Variants in MYZAP observed in about 807,000 individuals in gnomAD.
MYZAP encodes myocardial zonula adherens protein.
MYZAP carries 66 observed loss-of-function variants against 69.4 expected under a neutral mutation model. The observed-to-expected ratio is 0.95, with a 90% confidence interval of 0.78 to 1.17. MYZAP has a LOEUF of 1.17. Ranked by LOEUF, MYZAP falls within the 50% of genes most tolerant of loss-of-function variation. The probability of loss-of-function intolerance (pLI) is 0.00; values close to 1 mark genes in which losing one functional copy is unlikely to be tolerated. For missense variants in MYZAP, 611 were observed against 556.2 expected, an observed-to-expected ratio of 1.10 and a Z score of -0.99; for synonymous variants, 256 against 205.9, an observed-to-expected ratio of 1.24 and a Z score of -2.09.
At chr15:57,604,687 A>G (rs990583916) in intron 2 of MYZAP, among the ~76,000 whole-genome samples, 19 of 152,286 alleles carry the variant, frequency 1.2e-4, no homozygotes, top group African/African-American at 4.3e-4. Context: ...AGTTGCTTCA[A>G]AGGGCCTATT....
At chr15:57,641,127 G>A (rs1353015570) in intron 10 of MYZAP, among the ~76,000 whole-genome samples, 1 of 152,112 alleles carries the variant, frequency 6.6e-6, no homozygotes, top group Admixed American at 6.5e-5. Flanking sequence ...TCACCACAGG[G>A]GGGTGTCTGT....
intron 10 of MYZAP, among the ~76,000 whole-genome samples, chr15:57,642,089 G>C (rs1215508723): frequency 1.3e-5 from 2 of 152,198 alleles, no homozygotes; most frequent in African/African-American, 4.8e-5. Flanking sequence ...TCTAATACTG[G>C]CTGCACTGGT....
chr15:57,649,493 A>G (rs1455078202), intron 10 of MYZAP, among the ~76,000 whole-genome samples: 5 of 152,162 alleles, frequency 3.3e-5, no homozygotes, highest in African/African-American at 1.2e-4. Context: ...TGGCCATTCA[A>G]GTTTCCTCCT....
chr15:57,612,098 C>G (rs1185218009), intron 2 of MYZAP, among the ~76,000 whole-genome samples: 1 of 152,194 alleles, frequency 6.6e-6, no homozygotes, highest in African/African-American at 2.4e-5. Flanking sequence ...GAGCACATTC[C>G]CGAAGTGCCA....
At chr15:57,638,469 C>T (rs138293331) in intron 9 of MYZAP, among the ~76,000 whole-genome samples, 2 of 152,184 alleles carry the variant, frequency 1.3e-5, no homozygotes, top group East Asian at 1.9e-4. Flanking sequence ...CCAAATAGTA[C>T]GTGCTGAAAA....
intron 1 of MYZAP, among the ~76,000 whole-genome samples, chr15:57,596,734 T>C (rs1345556009): frequency 6.6e-6 from 1 of 152,198 alleles, no homozygotes; most frequent in Non-Finnish European, 1.5e-5. Context: ...CCTCCCTATA[T>C]GTGGTCTTCT....
At chr15:57,619,878 C>T (rs1251767928) in intron 3 of MYZAP, among the ~76,000 whole-genome samples, 10 of 152,154 alleles carry the variant, frequency 6.6e-5, no homozygotes, top group African/African-American at 2.4e-4. Context: ...TAATCCTGAG[C>T]TGTGGATGAC....
chr15:57,666,909 T>C (rs1429388340), intron 11 of MYZAP, among the ~76,000 whole-genome samples: 1 of 152,192 alleles, frequency 6.6e-6, no homozygotes, highest in African/African-American at 2.4e-5. Flanking sequence ...TTTTATTAGC[T>C]CAACTTCTGG....
intron 10 of MYZAP, chr15:57,647,210 T>C: frequency 1.0e-6 from 1 of 985,392 alleles, no homozygotes; most frequent in Non-Finnish European, 1.2e-6. Flanking sequence ...AGGGAGGGGA[T>C]GGGAAAGAAG....
In MYZAP at chr15:57,667,581, TAAG is replaced by T. The variant is rs1267414538; in HGVS notation, c.1203+6052_1203+6054del. On this transcript the variant is annotated intron_variant, in intron 11 of 12. Transcript: ENST00000267853. Reference sequence around the variant, plus strand: ...CCACTGTAGTCATATTCTGCAAGACTAAGAAGGAGATAGTCTTGATTTATTGTA... The same window carrying T: ...CCACTGTAGTCATATTCTGCAAGACTAAGGAGATAGTCTTGATTTATTGTA... 4.6e-5 allele frequency among the ~76,000 whole-genome samples: 7 copies of T among 152,344 alleles called. No individual in the cohort carries two copies. The East Asian group carries it at 1.2e-3, about 25-fold the overall frequency.
At chr15:57,619,306 C>G (rs546555802) in intron 3 of MYZAP, among the ~76,000 whole-genome samples, 1 of 152,276 alleles carries the variant, frequency 6.6e-6, no homozygotes, top group African/African-American at 2.4e-5. Flanking sequence ...AGCCACCAAC[C>G]TTAAACTCCT....
chr15:57,598,443 C>T (rs1363060868), intron 1 of MYZAP, among the ~76,000 whole-genome samples: 1 of 152,188 alleles, frequency 6.6e-6, no homozygotes. Flanking sequence ...AAACCCAACA[C>T]TGAGCGAGCG....
intron 10 of MYZAP, 126 bp downstream of exon 10, chr15:57,639,671 A>G (rs1595897881): frequency 1.9e-6 from 2 of 1,034,146 alleles, no homozygotes; most frequent in African/African-American, 1.6e-5. Flanking sequence ...GGCCACTGCC[A>G]TCTAGGCCCA....
chr15:57,606,291 T>A (rs1273569125), intron 2 of MYZAP, among the ~76,000 whole-genome samples: 1 of 152,074 alleles, frequency 6.6e-6, no homozygotes, highest in Non-Finnish European at 1.5e-5. Context: ...ACCTAAGAGG[T>A]GCACATCACA....
At chr15:57,676,575 A>AT (rs1443372596) in intron 12 of MYZAP, among the ~76,000 whole-genome samples, 3 of 151,760 alleles carry the variant, frequency 2.0e-5, no homozygotes, top group Admixed American at 6.6e-5. Context: ...TGAAATTTAA[A>AT]TAATTTGGCC....
chr15:57,643,216 C>T (rs1008834633), intron 10 of MYZAP, among the ~76,000 whole-genome samples: 14 of 152,184 alleles, frequency 9.2e-5, no homozygotes, highest in Non-Finnish European at 1.3e-4. Flanking sequence ...TTAATTCATT[C>T]ATCCATTCAG....
intron 2 of MYZAP, among the ~76,000 whole-genome samples, chr15:57,612,565 G>C (rs935856965): frequency 1.3e-5 from 2 of 152,352 alleles, no homozygotes; most frequent in East Asian, 1.9e-4. Context: ...GAATAAGGCA[G>C]ATGTTGTCCC....
intron 2 of MYZAP, among the ~76,000 whole-genome samples, chr15:57,616,630 G>C (rs2035468357): frequency 6.6e-6 from 1 of 151,716 alleles, no homozygotes; most frequent in Non-Finnish European, 1.5e-5. Flanking sequence ...GTGAGACTCT[G>C]TCTCAAAAAC....
chr15:57,627,951 G>A (rs1252451234), intron 5 of MYZAP, among the ~76,000 whole-genome samples: 1 of 152,180 alleles, frequency 6.6e-6, no homozygotes, highest in Non-Finnish European at 1.5e-5. Context: ...ATTTTCTTTA[G>A]TATCTAATCA....
Sources: gnomAD v4.1 joint callset for allele counts (sites outside exome capture counted in the v4.1 genomes callset) on GRCh38, gnomAD v4.1.1 for gene constraint, MANE v1.5 for transcripts, NCBI Gene and HGNC (gene_info 2026-07-23, HGNC 2026-07-21) for gene names.